CNOT1: variants seen among roughly 807,000 people sequenced by gnomAD.
CNOT1 encodes the protein CCR4-NOT transcription complex subunit 1.
CNOT1 carries 15 observed loss-of-function variants against 273.8 expected under a neutral mutation model. The ratio of observed to expected loss-of-function variants is 0.05; its 90% CI spans 0.04 to 0.08. The LOEUF (loss-of-function observed/expected upper bound fraction) is 0.08. Among genes scored for constraint, CNOT1 ranks in the 10% least tolerant of loss-of-function variants. The pLI is 1.00. For synonymous variants in CNOT1, 1,022 were observed against 1,005.5 expected (o/e 1.02, Z -0.31); for missense variants, 1,644 against 2,912.2 (o/e 0.56, Z 10.02).
intron 1 of CNOT1, among the ~76,000 whole-genome samples, chr16:58,600,773 C>T (rs2042432325): frequency 6.6e-6 from 1 of 152,174 alleles, no homozygotes; most frequent in South Asian, 2.1e-4. Context: ...CTCCAACCAC[C>T]TGCTGAGTGA....
At chr16:58,619,334 T>C (rs996331680) in intron 1 of CNOT1, among the ~76,000 whole-genome samples, 1 of 152,018 alleles carries the variant, frequency 6.6e-6, no homozygotes, top group African/African-American at 2.4e-5. Flanking sequence ...CCTTCATCTT[T>C]AGGCAGTCTC....
At position 58,559,819 on chromosome 16, in the gene CNOT1, GCAGTT is replaced by G. The variant is rs781722887; in HGVS notation, c.2130+388_2130+392del. The G allele has an allele frequency of 5.7e-5, 30 of 522,882 alleles. No homozygotes were observed. The Middle Eastern group carries it at 8.6e-3, about 149-fold the overall frequency. 32.4% of individuals were successfully genotyped at this position (522,882 alleles called of 1,614,324 possible). On this transcript the variant is annotated intron_variant, in intron 17 of 48. Coordinates refer to ENST00000317147, the MANE Select transcript of CNOT1 (RefSeq NM_016284.5). ...TTAAATGTACCTTGTTTTTAAAAGA[GCAGTT>G]CAGTTGAGAGCTGAAGAGCCCCAGT...
chr16:58,589,243 T>C (rs1307376386), intron 2 of CNOT1, among the ~76,000 whole-genome samples: 1 of 152,212 alleles, frequency 6.6e-6, no homozygotes, highest in Non-Finnish European at 1.5e-5. Flanking sequence ...CCGGGTGCAG[T>C]GGCTCACGCC....
At chr16:58,621,150 T>C (rs897765650) in intron 1 of CNOT1, among the ~76,000 whole-genome samples, 2 of 152,066 alleles carry the variant, frequency 1.3e-5, no homozygotes, top group African/African-American at 4.8e-5. Context: ...TTAGCAGAGA[T>C]GGGGTTTCAT....
intron 12 of CNOT1, among the ~76,000 whole-genome samples, chr16:58,579,210 C>T (rs1392855889): frequency 3.3e-5 from 5 of 152,086 alleles, no homozygotes; most frequent in Non-Finnish European, 5.9e-5. Flanking sequence ...CATGAGAAAA[C>T]AGGTAAGAAA....
chr16:58,572,571 T>C (rs758702839), intron 16 of CNOT1, among the ~76,000 whole-genome samples: 2 of 151,882 alleles, frequency 1.3e-5, no homozygotes, highest in Non-Finnish European at 2.9e-5. Context: ...GCCATAATCA[T>C]GCCACTGTAC....
At chr16:58,603,073 A>T (rs2042531640) in intron 1 of CNOT1, among the ~76,000 whole-genome samples, 1 of 152,182 alleles carries the variant, frequency 6.6e-6, no homozygotes, top group Non-Finnish European at 1.5e-5. Flanking sequence ...TATAAAATAT[A>T]ACCAGAATCC....
chr16:58,534,906 TAAG>T (rs1382360972), intron 39 of CNOT1, among the ~76,000 whole-genome samples: 3 of 152,190 alleles, frequency 2.0e-5, no homozygotes, highest in Non-Finnish European at 4.4e-5. Flanking sequence ...GTACAACAGG[TAAG>T]TACCAAATGG....
At chr16:58,526,511 TAAAAAAAAAAAA>T (rs57367601) in intron 44 of CNOT1, among the ~76,000 whole-genome samples, 4 of 80,812 alleles carry the variant, frequency 4.9e-5, no homozygotes, top group Non-Finnish European at 6.9e-5. Context: ...ACTTACTCCT[TAAAAAAAAAAAA>T]AAAAAAAAAA....
At chr16:58,540,162 A>G (rs1054100079) in intron 34 of CNOT1, 2 of 458,232 alleles carry the variant, frequency 4.4e-6, no homozygotes, top group Non-Finnish European at 7.6e-6. Flanking sequence ...GGCAGGCATA[A>G]GGGAAGAGGT....
chr16:58,543,156 T>C, intron 31 of CNOT1: 1 of 1,398,366 alleles, frequency 7.2e-7, no homozygotes, highest in Non-Finnish European at 9.3e-7. Context: ...AAACAAATTA[T>C]TAATCATGAT....
intron 1 of CNOT1, among the ~76,000 whole-genome samples, chr16:58,604,622 A>T (rs1291825165): frequency 1.1e-3 from 18 of 16,720 alleles, no homozygotes; most frequent in African/African-American, 2.8e-3. Context: ...TCTCTGCTAT[A>T]AAAAAAAAAA....
intron 1 of CNOT1, among the ~76,000 whole-genome samples, chr16:58,626,695 G>A (rs2043599390): frequency 6.6e-6 from 1 of 151,938 alleles, no homozygotes; most frequent in Admixed American, 6.6e-5. Flanking sequence ...AGGAGGCGGA[G>A]GTTGTAGTGA....
At chr16:58,577,584 C>G (rs2041502260) in intron 13 of CNOT1, among the ~76,000 whole-genome samples, 1 of 152,062 alleles carries the variant, frequency 6.6e-6, no homozygotes, top group Non-Finnish European at 1.5e-5. Flanking sequence ...CTAAAAAGGG[C>G]ACTCGGGGTA....
Position 58,525,289 on chromosome 16 carries a change from T to A in CNOT1, c.6674A>T (p.Gln2225Leu). The A allele has an allele frequency of 1.2e-6, 2 of 1,613,982 alleles. No individual in the cohort carries two copies. Among genetic ancestry groups the A allele is most frequent in the South Asian group, 2.2e-5 (2 of 91,072 alleles). Residue 2225 changes from glutamine (Q) to leucine (L), a missense_variant, in exon 46 of 49, where the codon CAG (glutamine) becomes CTG (leucine). Transcript: ENST00000317147. Reference protein sequence around the residue: ...INALVLYVGTQAIAHIHNKGS... With the variant: ...INALVLYVGTLAIAHIHNKGS... ...CTTGTTGTGGATGTGCGCAATGGCCTGAGTCCCGACATAGAGCACCAGTGC... is the reference window on the plus strand; with the variant it reads ...CTTGTTGTGGATGTGCGCAATGGCCAGAGTCCCGACATAGAGCACCAGTGC...
chr16:58,591,950 C>T (rs1249572461), intron 2 of CNOT1, among the ~76,000 whole-genome samples: 1 of 151,884 alleles, frequency 6.6e-6, no homozygotes, highest in African/African-American at 2.4e-5. Flanking sequence ...TAATGTCCCT[C>T]CTAATATGTG....
intron 1 of CNOT1, among the ~76,000 whole-genome samples, chr16:58,604,597 C>A (rs1369175059): frequency 7.3e-6 from 1 of 136,386 alleles, no homozygotes. Flanking sequence ...GCCTGACCAA[C>A]ATGGAGAAAC....
chr16:58,542,150 T>C, intron 33 of CNOT1, 81 bp downstream of exon 33: 1 of 1,528,162 alleles, frequency 6.5e-7, no homozygotes, highest in South Asian at 1.2e-5. Context: ...GCTGTCCTAA[T>C]TCCAGTAAGG....
intron 1 of CNOT1, among the ~76,000 whole-genome samples, chr16:58,615,262 A>G (rs1337130599): frequency 1.6e-5 from 2 of 125,432 alleles, no homozygotes; most frequent in African/African-American, 5.4e-5. Flanking sequence ...CTGTTTTAGT[A>G]AACAGGGAGA....
Sources: allele counts gnomAD v4.1 joint callset (sites outside exome capture counted in the v4.1 genomes callset), GRCh38; gene constraint gnomAD v4.1.1; transcripts MANE v1.5; gene names NCBI Gene and HGNC (gene_info 2026-07-23, HGNC 2026-07-21).